RARB: variants seen among roughly 807,000 people sequenced by gnomAD.
The protein encoded by RARB is retinoic acid receptor beta, also known as HBV-activated protein.
In RARB, 17 loss-of-function variants were observed where a neutral mutation model predicts 51.9. The observed-to-expected ratio is 0.33, with a 90% CI of 0.22 to 0.49. RARB has a LOEUF of 0.49. Among genes scored for constraint, RARB ranks in the 20% least tolerant of loss-of-function variants. The pLI is 0.99. For missense variants in RARB, 369 were observed against 550.8 expected, an observed-to-expected ratio of 0.67 and a Z score of 3.30; for synonymous variants, 215 against 195.4, an observed-to-expected ratio of 1.10 and a Z score of -0.84.
intron 5 of RARB, among the ~76,000 whole-genome samples, chr3:25,387,662 G>A (rs1202838964): frequency 6.6e-6 from 1 of 151,328 alleles, no homozygotes; most frequent in Non-Finnish European, 1.5e-5. Context: ...CCCTGTGAGT[G>A]TAAAGTGGCT....
chr3:25,497,645 T>G (rs1697110632), intron 2 of RARB, among the ~76,000 whole-genome samples: 1 of 152,122 alleles, frequency 6.6e-6, no homozygotes, highest in South Asian at 2.1e-4. Context: ...CTTGCTCAAG[T>G]CCTCTCAGTG....
chr3:25,556,155 A>G (rs1700050308), intron 3 of RARB, among the ~76,000 whole-genome samples: 1 of 152,196 alleles, frequency 6.6e-6, no homozygotes, highest in Admixed American at 6.5e-5. Flanking sequence ...CTCCAGAGAA[A>G]TAAATACCTG....
At chr3:25,039,203 G>A (rs780036295) in intron 2 of RARB, among the ~76,000 whole-genome samples, 24 of 152,266 alleles carry the variant, frequency 1.6e-4, no homozygotes, top group African/African-American at 5.3e-4. Flanking sequence ...AGAGGGATAC[G>A]TATGAAACAA....
Position 25,428,788 on chromosome 3 carries a change from C to T in RARB, c.57C>T (p.Tyr19=), listed in dbSNP as rs370403223. ...GTCCTGGGCAAATCCTGGATTTCTA[C>T]ACTGCGAGTCCGTCTTCCTGCATGC... ...SVSPGQILDF[Y]TASPSSCMLQ... The change falls in exon 1 of 8, where the codon TAC becomes TAT. Residue 19 remains tyrosine, a synonymous_variant. Coordinates refer to ENST00000330688, the MANE Select transcript of RARB (RefSeq NM_000965.5). 7.2e-5 allele frequency: 117 copies of T among 1,614,058 alleles called. No individual in the cohort carries two copies. The highest frequency in any genetic ancestry group is 9.4e-5 in the Non-Finnish European group (111 of 1,180,040).
chr3:25,378,297 C>G (rs904668502), intron 5 of RARB, among the ~76,000 whole-genome samples: 2 of 152,152 alleles, frequency 1.3e-5, no homozygotes, highest in Non-Finnish European at 2.9e-5. Context: ...GGATTTATGG[C>G]TCTACAGTCA....
At chr3:25,279,315 G>C (rs140203020) in intron 5 of RARB, among the ~76,000 whole-genome samples, 553 of 152,284 alleles carry the variant, frequency 3.6e-3, no homozygotes, top group Non-Finnish European at 6.6e-3. Flanking sequence ...AATGCCTTGA[G>C]AACAAAGGAT....
chr3:24,918,089 C>T (rs754233533), intron 2 of RARB, among the ~76,000 whole-genome samples: 2 of 152,156 alleles, frequency 1.3e-5, no homozygotes, highest in African/African-American at 2.4e-5. Flanking sequence ...CACACAAAGG[C>T]CTCAATGTGA....
At chr3:25,445,905 C>T (rs1393833721) in intron 1 of RARB, among the ~76,000 whole-genome samples, 1 of 152,086 alleles carries the variant, frequency 6.6e-6, no homozygotes, top group East Asian at 1.9e-4. Context: ...CATATATGAC[C>T]ATGAGAGTGC....
At chr3:25,331,094 C>T (rs1704880074) in intron 5 of RARB, among the ~76,000 whole-genome samples, 1 of 152,204 alleles carries the variant, frequency 6.6e-6, no homozygotes, top group Non-Finnish European at 1.5e-5. Context: ...TAACACCCCA[C>T]TGTCAACATT....
intron 5 of RARB, among the ~76,000 whole-genome samples, chr3:25,252,142 C>T (rs564345852): frequency 5.9e-5 from 9 of 152,214 alleles, no homozygotes; most frequent in African/African-American, 1.9e-4. Flanking sequence ...ATTTTCTTGC[C>T]ACCCTTGTCA....
Position 25,249,935 on chromosome 3 carries a change from G to A in RARB, c.178+75360G>A, listed in dbSNP as rs991347058. ...CAGGTCCTGTTGGGCCAATTATTGG[G>A]TCACCAGGTGGCTTTCTCTGGTGCT... is the stretch of plus-strand genomic sequence containing the variant. On this transcript the variant is annotated intron_variant, in intron 5 of 11. Transcript: ENST00000383772. 4.9e-5 allele frequency among the ~76,000 whole-genome samples: 3 copies of A among 60,700 alleles called. No homozygotes were observed. The African/African-American group carries it at 5.5e-4, about 11-fold the overall frequency. 39.8% of individuals were successfully genotyped at this position (60,700 alleles called of 152,430 possible).
At chr3:25,166,881 A>G (rs575442846) in intron 4 of RARB, among the ~76,000 whole-genome samples, 18 of 152,342 alleles carry the variant, frequency 1.2e-4, no homozygotes, top group South Asian at 1.0e-3. Flanking sequence ...ATTATCCACT[A>G]CATTTGCAGA....
intron 5 of RARB, among the ~76,000 whole-genome samples, chr3:25,229,505 T>C (rs1304126225): frequency 6.6e-6 from 1 of 152,204 alleles, no homozygotes; most frequent in African/African-American, 2.4e-5. Flanking sequence ...CTGATATTTA[T>C]CTACTTTAAT....
chr3:24,972,265 A>G (rs114761229), intron 2 of RARB, among the ~76,000 whole-genome samples: 235 of 151,970 alleles, frequency 1.5e-3, no homozygotes, highest in African/African-American at 5.1e-3. Context: ...TGCCTCACTT[A>G]TTTCACTTCA....
chr3:25,072,025 T>C (rs978226931), intron 3 of RARB, among the ~76,000 whole-genome samples: 77 of 152,234 alleles, frequency 5.1e-4, no homozygotes, highest in African/African-American at 1.8e-3. Flanking sequence ...CAGAAAATGC[T>C]GTCTGTTGTC....
At chr3:25,306,110 G>GA (rs1215491902) in intron 5 of RARB, among the ~76,000 whole-genome samples, 6 of 152,076 alleles carry the variant, frequency 3.9e-5, no homozygotes, top group Non-Finnish European at 7.4e-5. Flanking sequence ...GAACACAGGG[G>GA]GAAAAAAGAC....
intron 3 of RARB, among the ~76,000 whole-genome samples, chr3:25,514,248 C>G (rs1429910694): frequency 6.6e-6 from 1 of 152,180 alleles, no homozygotes; most frequent in Non-Finnish European, 1.5e-5. Context: ...GACTTAAACT[C>G]TATCTCTTCT....
chr3:25,024,948 C>A (rs4858683), intron 2 of RARB: 1 of 118,674 alleles, frequency 8.4e-6, no homozygotes, highest in African/African-American at 3.2e-5. Flanking sequence ...AGTGAGACTC[C>A]GTCTCAAAAA....
chr3:25,000,705 G>T (rs1387470045), intron 2 of RARB, among the ~76,000 whole-genome samples: 1 of 151,992 alleles, frequency 6.6e-6, no homozygotes. Context: ...ATCATCTGAG[G>T]CCTGATTCTA....
Sources: allele counts gnomAD v4.1 joint callset (sites outside exome capture counted in the v4.1 genomes callset), GRCh38; gene constraint gnomAD v4.1.1; transcripts MANE v1.5; gene names NCBI Gene and HGNC (gene_info 2026-07-23, HGNC 2026-07-21).